Variants in SUPT7L observed in about 807,000 individuals in gnomAD.
SUPT7L encodes STAGA complex 65 subunit gamma.
SUPT7L carries 15 observed loss-of-function variants against 35.7 expected under a neutral mutation model. The observed-to-expected ratio is 0.42, with a 90% CI of 0.28 to 0.65. The LOEUF (loss-of-function observed/expected upper bound fraction) is 0.65. SUPT7L is among the 30% of genes least tolerant of loss of function. The pLI is 0.23. For synonymous variants in SUPT7L, 168 were observed against 186.2 expected (o/e 0.90, Z 0.79); for missense variants, 434 against 522.2 (o/e 0.83, Z 1.65).
chr2:27,655,616 A>G lies in SUPT7L; in HGVS notation c.745-14T>C. On this transcript the variant is annotated splice_polypyrimidine_tract_variant and intron_variant, in intron 4 of 5. Coordinates refer to ENST00000337768, the MANE Select transcript of SUPT7L (RefSeq NM_014860.3). The stretch of plus-strand genomic sequence containing the variant: ...TTGCTTACTAATCTGTTGGCAAGCA[A>G]GAGTCAATTTTCCAAGGAAATGTTA... The G allele has an allele frequency of 8.4e-6, 13 of 1,551,850 alleles. No homozygotes were observed. The highest frequency in any genetic ancestry group is 1.0e-5 in the Non-Finnish European group (12 of 1,148,978).
At chr2:27,645,347 A>G in the SUPT7L span, among the ~76,000 whole-genome samples, 3 of 152,006 alleles carry the variant, frequency 2.0e-5, no homozygotes, top group African/African-American at 4.8e-5. Context: ...TGTTTTAATT[A>G]TGTAATTATG....
At position 27,653,527 on chromosome 2, in the gene SUPT7L, A is replaced by G. The variant is rs765413661; in HGVS notation, c.1203T>C (p.Pro401=). 3.1e-6 allele frequency: 5 copies of G among 1,614,026 alleles called. No homozygotes were observed. The African/African-American group carries it at 4.0e-5, about 13-fold the overall frequency. Residue 401 remains proline, a synonymous_variant, in exon 6 of 6, where the codon CCT becomes CCC. Coordinates refer to ENST00000337768, the MANE Select transcript of SUPT7L (RefSeq NM_014860.3). The part of the protein sequence containing the change: ...HSTDSLMGSS[P]VFNQRCKKRM... The stretch of plus-strand genomic sequence containing the variant: ...TCTTCTTGCAGCGCTGGTTGAAAAC[A>G]GGGGAGGACCCCATGAGGCTGTCAG...
rs11901534 is a variant in SUPT7L, at chr2:27,651,627, T to G, written c.*1858A>C. ...TACTTGGTTTTTCTCTGTAGTACTTTTGAATGCTTTATCTTCCTTACAGAA... is the reference window on the plus strand; with the variant it reads ...TACTTGGTTTTTCTCTGTAGTACTTGTGAATGCTTTATCTTCCTTACAGAA... On this transcript the variant is annotated 3_prime_UTR_variant, in exon 6 of 6. Coordinates refer to ENST00000337768, the MANE Select transcript of SUPT7L (RefSeq NM_014860.3). The G allele has an allele frequency of 6.6e-6, 1 of 152,246 alleles. No individual in the cohort carries two copies. The highest frequency in any genetic ancestry group is 1.5e-5 in the Non-Finnish European group (1 of 68,038). 9.4% of individuals were successfully genotyped at this position (152,246 alleles called of 1,614,324 possible).
chr2:27,655,699 T>C, intron 4 of SUPT7L, 97 bp from the exon 5 acceptor site: 1 of 1,068,964 alleles, frequency 9.4e-7, no homozygotes. Context: ...AGAACATGAA[T>C]AACAGAATTT....
At chr2:27,647,854 T>C (rs143364238), downstream of SUPT7L, 1 of 1,611,848 alleles carries the variant, frequency 6.2e-7, no homozygotes, top group African/African-American at 1.3e-5. Context: ...TCTCCTGTGC[T>C]GCACCCTTCT....
chr2:27,659,255 T>C (rs1403874836), intron 3 of SUPT7L, among the ~76,000 whole-genome samples: 1 of 152,244 alleles, frequency 6.6e-6, no homozygotes, highest in African/African-American at 2.4e-5. Context: ...GGCCTTCACC[T>C]GGCCCAACTG....
chr2:27,653,497 C>T lies in SUPT7L; in HGVS notation c.1233G>A (p.Met411Ile), dbSNP rs1415255201. ...PVFNQRCKKR[M>I]RKI Reference sequence around the variant, plus strand: ...CCCTCTTTTCCTTTTATATTTTCCTCATCCTCTTCTTGCAGCGCTGGTTGA... The same window carrying T: ...CCCTCTTTTCCTTTTATATTTTCCTTATCCTCTTCTTGCAGCGCTGGTTGA... Residue 411 changes from methionine to isoleucine, a missense_variant, in exon 6 of 6, where the codon ATG becomes ATA. Physicochemically the swap from Met to Ile is conservative, Grantham distance 10. Coordinates refer to ENST00000337768, the MANE Select transcript of SUPT7L (RefSeq NM_014860.3). 5 of 1,613,816 alleles carry T rather than the reference C, an allele frequency of 3.1e-6. No individual in the cohort carries two copies. The Admixed American group carries it at 5.0e-5, about 16-fold the overall frequency.
chr2:27,651,188 A>C lies in SUPT7L; in HGVS notation c.*2297T>G, dbSNP rs868536016. ...TAAAACAGTACATTTCTTTCAAAGA[A>C]TTTTATCTCTATGAGTCAGTACTCC... On this transcript the variant is annotated 3_prime_UTR_variant, in exon 6 of 6. Coordinates refer to ENST00000337768, the MANE Select transcript of SUPT7L (RefSeq NM_014860.3). 2 of 152,336 alleles carry C rather than the reference A, an allele frequency of 1.3e-5. No homozygotes were observed. The highest frequency in any genetic ancestry group is 4.8e-5 in the African/African-American group (2 of 41,460). The allele number at this position is 152,336 out of a possible 1,614,324, so 9.4% of individuals were successfully genotyped here.
chr2:27,653,597 G>C lies in SUPT7L; in HGVS notation c.1133C>G (p.Pro378Arg). The stretch of plus-strand genomic sequence containing the variant: ...GCTATCTGAGTCATCAGGGCTCTGA[G>C]GAATCCCAGCTTCACTCATGCCTGA... ...PMSGMSEAGI[P>R]QSPDDSDSSY... The change falls in exon 6 of 6, where the codon CCT (proline) becomes CGT (arginine). Residue 378 changes from proline to arginine, a missense_variant. Pro to Arg is a moderately radical substitution (Grantham distance 103, BLOSUM62 -2). Coordinates refer to ENST00000337768, the MANE Select transcript of SUPT7L (RefSeq NM_014860.3). The C allele has an allele frequency of 1.2e-6, 2 of 1,614,206 alleles. No homozygotes were observed. The highest frequency in any genetic ancestry group is 3.3e-5 in the Admixed American group (2 of 60,028).
At chr2:27,649,070 C>G (rs1379609593), downstream of SUPT7L, among the ~76,000 whole-genome samples, 1 of 151,544 alleles carries the variant, frequency 6.6e-6, no homozygotes, top group African/African-American at 2.4e-5. Context: ...ATGGTGAAAC[C>G]CCATCTCTAC....
intron 1 of SUPT7L, among the ~76,000 whole-genome samples, chr2:27,662,950 C>CTTTT (rs11315948): frequency 8.8e-5 from 9 of 102,500 alleles, no homozygotes; most frequent in Non-Finnish European, 8.9e-5. Flanking sequence ...TGGATTTTTT[C>CTTTT]TTTTTTTTTT....
chr2:27,659,658 G>A (rs1387812323), intron 3 of SUPT7L, among the ~76,000 whole-genome samples: 2 of 152,106 alleles, frequency 1.3e-5, no homozygotes, highest in African/African-American at 4.8e-5. Flanking sequence ...CTTTGGTAAT[G>A]GTATTATGAT....
chr2:27,655,241 G>A, intron 5 of SUPT7L, 124 bp downstream of exon 5: 1 of 786,346 alleles, frequency 1.3e-6, no homozygotes. Flanking sequence ...ATTCGTTTTA[G>A]GACTTTCCAT....
downstream of SUPT7L, chr2:27,648,062 CA>C: frequency 1.5e-6 from 1 of 648,902 alleles, no homozygotes; most frequent in Non-Finnish European, 2.8e-6. Flanking sequence ...GATACAGCAC[CA>C]GAAAAGAGTT....
At chr2:27,646,687 A>T (rs1234104836), downstream of SUPT7L, among the ~76,000 whole-genome samples, 2 of 151,858 alleles carry the variant, frequency 1.3e-5, no homozygotes, top group African/African-American at 4.8e-5. Flanking sequence ...CCATTTATTT[A>T]TTTATTGTAA....
rs1674638779 is a variant in SUPT7L, at chr2:27,653,249, C to T, written c.*236G>A. On this transcript the variant is annotated 3_prime_UTR_variant, in exon 6 of 6. Transcript: ENST00000337768. ...GGGGACAGTGCTTTGGTCTGATTGC[C>T]ATGCCAGCATCATATTTTATCTGTG... The T allele has an allele frequency of 1.8e-6, 1 of 542,252 alleles. No individual in the cohort carries two copies. Among genetic ancestry groups the T allele is most frequent in the Non-Finnish European group, 3.3e-6 (1 of 306,468 alleles). 33.6% of individuals were successfully genotyped at this position (542,252 alleles called of 1,614,324 possible). A position where few individuals can be genotyped will look rare whatever the true frequency, so the allele number is the denominator to read the frequency against.
intron 3 of SUPT7L, among the ~76,000 whole-genome samples, chr2:27,658,425 T>C (rs1030645305): frequency 1.3e-5 from 2 of 152,196 alleles, no homozygotes; most frequent in African/African-American, 4.8e-5. Flanking sequence ...TAATCACTAC[T>C]GCAGAAATCT....
At chr2:27,654,833 T>C (rs1485026215) in intron 5 of SUPT7L, among the ~76,000 whole-genome samples, 1 of 152,166 alleles carries the variant, frequency 6.6e-6, no homozygotes, top group Non-Finnish European at 1.5e-5. Flanking sequence ...CCCAAAGTGC[T>C]GAGATTACAG....
chr2:27,657,514 T>C lies in SUPT7L; in HGVS notation c.575A>G (p.Lys192Arg), dbSNP rs569167167. ...LTDVAHEYCL[K>R]FTKLLRFAVD... is the part of the protein sequence containing the mutation. ...AGCAAAACGCAGCAACTTGGTAAAC[T>C]TAAGGCAATACTCATGTGCCACATC... The change falls in exon 4 of 6, where the codon AAG becomes AGG. Residue 192 changes from lysine (K) to arginine (R), a missense_variant. Physicochemically the swap from Lys to Arg is conservative, Grantham distance 26. Coordinates refer to ENST00000337768, the MANE Select transcript of SUPT7L (RefSeq NM_014860.3). The surrounding 1 kb of genome is among the most constrained non-coding windows in gnomAD (Gnocchi z 5.2). The C allele has an allele frequency of 6.2e-7, 1 of 1,614,218 alleles. No homozygotes were observed. Among genetic ancestry groups the C allele is most frequent in the Non-Finnish European group, 8.5e-7 (1 of 1,180,030 alleles).
Sources: allele counts gnomAD v4.1 joint callset (sites outside exome capture counted in the v4.1 genomes callset), GRCh38; gene constraint gnomAD v4.1.1; non-coding constraint Gnocchi (gnomAD v3.1); transcripts MANE v1.5; gene names NCBI Gene and HGNC (gene_info 2026-07-23, HGNC 2026-07-21).